MARK3: variants seen among roughly 807,000 people sequenced by gnomAD.
MARK3 encodes the protein microtubule affinity regulating kinase 3.
A neutral mutation model predicts 90.1 loss-of-function variants in MARK3; 46 were observed. The observed-to-expected ratio is 0.51, with a 90% CI of 0.40 to 0.65. The LOEUF (loss-of-function observed/expected upper bound fraction) is 0.65, where lower values mean the gene tolerates loss of function less well. MARK3 is among the 30% of genes least tolerant of loss of function. The probability of loss-of-function intolerance (pLI) is 0.00; values close to 1 mark genes in which losing one functional copy is unlikely to be tolerated. For missense variants in MARK3, 818 were observed against 947.2 expected (o/e 0.86, Z 1.79); for synonymous variants, 321 against 332.6 (o/e 0.97, Z 0.38).
intron 4 of MARK3, among the ~76,000 whole-genome samples, chr14:103,450,283 A>G (rs758265486): frequency 6.6e-6 from 1 of 152,192 alleles, no homozygotes; most frequent in Non-Finnish European, 1.5e-5. Flanking sequence ...TTTCATTTCA[A>G]TCCTTTGGGG....
chr14:103,447,102 T>G (rs2093016113), intron 3 of MARK3, among the ~76,000 whole-genome samples: 1 of 152,218 alleles, frequency 6.6e-6, no homozygotes, highest in African/African-American at 2.4e-5. Flanking sequence ...TTTATCTGAT[T>G]ACATGTTTTA....
chr14:103,401,510 C>T (rs539319687), intron 1 of MARK3, among the ~76,000 whole-genome samples: 1 of 152,296 alleles, frequency 6.6e-6, no homozygotes, highest in East Asian at 1.9e-4. Context: ...AACTGATCTC[C>T]ATGTCCAGGC....
At chr14:103,465,898 G>A in intron 8 of MARK3, 74 bp from the exon 9 acceptor site, 2 of 1,568,392 alleles carry the variant, frequency 1.3e-6, no homozygotes, top group East Asian at 2.2e-5. Context: ...GTTTCAGGGG[G>A]TTTTTTGTTG....
At chr14:103,463,534 C>G (rs1034887606) in intron 7 of MARK3, among the ~76,000 whole-genome samples, 3 of 152,202 alleles carry the variant, frequency 2.0e-5, no homozygotes, top group African/African-American at 4.8e-5. Flanking sequence ...TGATGTCCCT[C>G]AAGTACCTTA....
chr14:103,385,882 A>C lies in MARK3; in HGVS notation c.-148A>C. The C allele has an allele frequency of 7.7e-4, 443 of 576,056 alleles. No homozygotes were observed. The highest frequency in any genetic ancestry group is 1.4e-3 in the Middle Eastern group (3 of 2,104). The allele number at this position is 576,056 out of a possible 1,614,324, so 35.7% of individuals were successfully genotyped here. A position where few individuals can be genotyped will look rare whatever the true frequency, so the allele number is the denominator to read the frequency against. ...GGGGACGGCCCGGGCCAGGCCCGGGATCTAGACGGCCGTAGGGGGAAGGGA... is the reference window on the plus strand; with the variant it reads ...GGGGACGGCCCGGGCCAGGCCCGGGCTCTAGACGGCCGTAGGGGGAAGGGA... On this transcript the variant is annotated 5_prime_UTR_variant, in exon 1 of 18. Coordinates refer to ENST00000429436, the MANE Select transcript of MARK3 (RefSeq NM_001128918.3).
Position 103,498,208 on chromosome 14 carries a change from T to TA in MARK3, c.1845-279dup, listed in dbSNP as rs35854622. Among the ~76,000 whole-genome samples, 503 of 146,950 alleles carry TA rather than the reference T, an allele frequency of 3.4e-3. 3 individuals are homozygous for TA. The highest frequency in any genetic ancestry group is 5.8e-3 in the Non-Finnish European group (385 of 66,644). On this transcript the variant is annotated intron_variant, in intron 15 of 17. Transcript: ENST00000429436. ...CTGTGACAGAGTGAGACTCTGTCTT[T>TA]AAAAAAAAAAAAAAAGTGTGTCCAT...
chr14:103,471,266 A>C (rs1179303231), intron 12 of MARK3, among the ~76,000 whole-genome samples: 2 of 152,224 alleles, frequency 1.3e-5, no homozygotes, highest in Non-Finnish European at 2.9e-5. Flanking sequence ...TTCCTTAAGC[A>C]CATAGATTCC....
Position 103,480,458 on chromosome 14 carries a change from ACACT to A in MARK3, c.1557_1560del (p.His519GlnfsTer2), listed in dbSNP as rs1465669324. 1.9e-6 allele frequency: 3 copies of A among 1,612,908 alleles called. No individual in the cohort carries two copies. The highest frequency in any genetic ancestry group is 1.1e-5 in the South Asian group (1 of 90,922). ...GCAGTGAGAGAACTACAGCTGATAG[ACACT>A]CAGTGATTCAGAATGGCAAAGAAAA... is the stretch of plus-strand genomic sequence containing the variant. On this transcript the variant is annotated frameshift_variant, in exon 14 of 18. Transcript: ENST00000429436. LOFTEE classifies it high-confidence loss of function.
chr14:103,392,107 C>T (rs1242035666), intron 1 of MARK3, among the ~76,000 whole-genome samples: 1 of 152,118 alleles, frequency 6.6e-6, no homozygotes, highest in African/African-American at 2.4e-5. Flanking sequence ...TTAGTTAATG[C>T]AAATAGTCCC....
At chr14:103,416,021 G>T (rs986911659) in intron 2 of MARK3, among the ~76,000 whole-genome samples, 1 of 151,954 alleles carries the variant, frequency 6.6e-6, no homozygotes, top group South Asian at 2.1e-4. Flanking sequence ...CTTAAATTAC[G>T]ACTGTGTAAG....
chr14:103,398,290 C>A (rs750904045), intron 1 of MARK3, among the ~76,000 whole-genome samples: 1 of 152,216 alleles, frequency 6.6e-6, no homozygotes, highest in South Asian at 2.1e-4. Flanking sequence ...CTGCTTCCAT[C>A]AATAGTGCAC....
intron 3 of MARK3, among the ~76,000 whole-genome samples, chr14:103,436,138 G>A (rs1370250960): frequency 2.6e-5 from 4 of 152,114 alleles, no homozygotes; most frequent in African/African-American, 7.2e-5. Context: ...TGATCCACCC[G>A]CTTCAGCCTC....
intron 15 of MARK3, 65 bp from the exon 16 acceptor site, chr14:103,498,437 T>C (rs920162774): frequency 5.3e-5 from 60 of 1,135,784 alleles, no homozygotes; most frequent in Middle Eastern, 3.0e-4. Flanking sequence ...TTGATTAGAT[T>C]TTCTGTTTAA....
chr14:103,408,506 T>C (rs2091447735), intron 2 of MARK3, among the ~76,000 whole-genome samples: 1 of 152,182 alleles, frequency 6.6e-6, no homozygotes, highest in South Asian at 2.1e-4. Context: ...AGTAATACTT[T>C]TGAAGGAAGC....
chr14:103,467,922 C>G, intron 11 of MARK3, 111 bp from the exon 12 acceptor site: 2 of 1,060,712 alleles, frequency 1.9e-6, no homozygotes, highest in South Asian at 1.8e-5. Context: ...GATTCCTCCT[C>G]TCTCTGAATG....
In MARK3 at chr14:103,496,458, G is replaced by T. The variant is rs151310549; in HGVS notation, c.1845-2044G>T. Among the ~76,000 whole-genome samples, 1,059 of 151,998 alleles carry T rather than the reference G, an allele frequency of 7.0e-3. 3 individuals are homozygous for T. The highest frequency in any genetic ancestry group is 0.011 in the Non-Finnish European group (755 of 67,970). ...GACGGAGTCTCGCTCTGTCACCCAG[G>T]CTGGAGTGCAGTGGCACGATCTTGG... On this transcript the variant is annotated intron_variant, in intron 15 of 17. Transcript: ENST00000429436.
chr14:103,475,026 C>G lies in MARK3; in HGVS notation c.1298C>G (p.Pro433Arg). ...GPAIPSVVAY[P>R]KRSQTSTADS... is the part of the protein sequence containing the mutation. Reference sequence around the variant, plus strand: ...GCTATTCCTTCTGTTGTGGCGTATCCGAAAAGGAGTCAGACCAGCACTGCA... The same window carrying G: ...GCTATTCCTTCTGTTGTGGCGTATCGGAAAAGGAGTCAGACCAGCACTGCA... Residue 433 changes from proline to arginine, a missense_variant, in exon 13 of 18, where the codon CCG becomes CGG. Around this residue, in one of 3 missense-constraint regions of MARK3, gnomAD observed 560 missense variants for 613.5 expected, o/e 0.91. Coordinates refer to ENST00000429436, the MANE Select transcript of MARK3 (RefSeq NM_001128918.3). The G allele has an allele frequency of 1.2e-6, 2 of 1,613,966 alleles. No homozygotes were observed. The highest frequency in any genetic ancestry group is 1.7e-6 in the Non-Finnish European group (2 of 1,179,924).
intron 12 of MARK3, among the ~76,000 whole-genome samples, chr14:103,469,976 G>T (rs558217419): frequency 6.6e-6 from 1 of 151,398 alleles, no homozygotes; most frequent in South Asian, 2.1e-4. Context: ...TAGGAGAATC[G>T]CTTGAACCTG....
At chr14:103,386,516 G>T (rs913754392) in intron 1 of MARK3, 3 of 407,702 alleles carry the variant, frequency 7.4e-6, no homozygotes, top group African/African-American at 6.1e-5. Flanking sequence ...AAGAGTAATC[G>T]ATTGGGTCAA....
Sources: allele counts gnomAD v4.1 joint callset (sites outside exome capture counted in the v4.1 genomes callset), GRCh38; gene constraint gnomAD v4.1.1; regional missense constraint gnomAD v4.1.1; transcripts MANE v1.5; gene names NCBI Gene and HGNC (gene_info 2026-07-23, HGNC 2026-07-21).